Variants in FBXL14 observed in about 807,000 individuals in gnomAD.
FBXL14 encodes the protein F-box/LRR-repeat protein 14.
In FBXL14, 11 loss-of-function variants were observed where a neutral mutation model predicts 24.5. The observed-to-expected ratio is 0.45, with a 90% confidence interval of 0.28 to 0.74. The LOEUF (loss-of-function observed/expected upper bound fraction) is 0.74. FBXL14 is among the 30% of genes least tolerant of loss of function. The probability of loss-of-function intolerance (pLI) is 0.12; values close to 1 mark genes in which losing one functional copy is unlikely to be tolerated. For synonymous variants in FBXL14, 294 were observed against 240.4 expected, an observed-to-expected ratio of 1.22 and a Z score of -2.06; for missense variants, 384 against 545.6, an observed-to-expected ratio of 0.70 and a Z score of 2.95.
intron 1 of FBXL14, among the ~76,000 whole-genome samples, chr12:1,589,604 C>T (rs555464930): frequency 1.1e-4 from 17 of 152,182 alleles, no homozygotes; most frequent in African/African-American, 3.1e-4. Context: ...AGGGATAATA[C>T]CTGTTTCAGC....
At chr12:1,574,598 G>T in intron 1 of FBXL14, 1 of 220,376 alleles carries the variant, frequency 4.5e-6, no homozygotes, top group Non-Finnish European at 9.2e-6. Context: ...AGGCCACCCT[G>T]CTAAGTAGCC....
intron 1 of FBXL14, among the ~76,000 whole-genome samples, chr12:1,592,211 TTA>T (rs894220250): frequency 4.1e-5 from 6 of 146,480 alleles, no homozygotes; most frequent in Admixed American, 6.8e-5. Flanking sequence ...TATATATAAT[TTA>T]TATATATATA....
chr12:1,584,575 G>A (rs1164626852), intron 1 of FBXL14, among the ~76,000 whole-genome samples: 4 of 152,136 alleles, frequency 2.6e-5, no homozygotes, highest in Non-Finnish European at 5.9e-5. Flanking sequence ...CATCAGCTAG[G>A]GCTGGAAGAG....
rs2094441883 is a variant in FBXL14, at chr12:1,569,564, C to A, written c.1195-2754G>T. On this transcript the variant is annotated intron_variant, in intron 1 of 1. Transcript: ENST00000339235. This position sits in a 1 kb window ranked among gnomAD's most constrained non-coding sequence, Gnocchi z 4.2. Reference sequence around the variant, plus strand: ...TACAGGCGCCCGCCACCACGCCCGGCTAATTTTTTGTGTTTTTAGTAGAGA... The same window carrying A: ...TACAGGCGCCCGCCACCACGCCCGGATAATTTTTTGTGTTTTTAGTAGAGA... Among the ~76,000 whole-genome samples the A allele has an allele frequency of 6.6e-6, 1 of 152,170 alleles. No homozygotes were observed. Among genetic ancestry groups the A allele is most frequent in the Non-Finnish European group, 1.5e-5 (1 of 68,024 alleles).
At chr12:1,591,347 GTTT>G (rs34841563) in intron 1 of FBXL14, among the ~76,000 whole-genome samples, 21 of 138,368 alleles carry the variant, frequency 1.5e-4, no homozygotes, top group East Asian at 8.2e-4. Context: ...CAAGGCTGTT[GTTT>G]TTTTTTTTTT....
Position 1,580,708 on chromosome 12 carries a change from A to AT in FBXL14, c.1194+12164dup, listed in dbSNP as rs761641534. Among the ~76,000 whole-genome samples, 43 of 151,914 alleles carry AT rather than the reference A, an allele frequency of 2.8e-4. 1 individual carries two copies. Among genetic ancestry groups the AT allele is most frequent in the Non-Finnish European group, 6.2e-4 (42 of 67,974 alleles). ...CTGGGGCCTGAAATGTCCAGCTGGG[A>AT]TTTTTTCCCATCAAAAGGGGATTTT... On this transcript the variant is annotated intron_variant, in intron 1 of 1. Coordinates refer to ENST00000339235, the MANE Select transcript of FBXL14 (RefSeq NM_152441.3).
chr12:1,577,078 C>T (rs2154437900), intron 1 of FBXL14, among the ~76,000 whole-genome samples: 1 of 152,306 alleles, frequency 6.6e-6, no homozygotes, highest in Admixed American at 6.5e-5. Flanking sequence ...GTCAGCGCTG[C>T]CTGGATAAAC....
At chr12:1,591,170 CAT>C (rs1055123974) in intron 1 of FBXL14, among the ~76,000 whole-genome samples, 2 of 152,132 alleles carry the variant, frequency 1.3e-5, no homozygotes, top group African/African-American at 4.8e-5. Flanking sequence ...AGAAACAAAA[CAT>C]GTCAGTAGTA....
chr12:1,585,397 CAAAAA>C (rs34371174), intron 1 of FBXL14, among the ~76,000 whole-genome samples: 1 of 93,864 alleles, frequency 1.1e-5, no homozygotes. Flanking sequence ...GACTCCGTCT[CAAAAA>C]AAAAAAAAAA....
chr12:1,566,254 G>A lies in FBXL14; in HGVS notation c.*494C>T, dbSNP rs1318935195. On this transcript the variant is annotated 3_prime_UTR_variant, in exon 2 of 2. Transcript: ENST00000339235. ...GTCATCCAGATGTATTTTCTTTGGG[G>A]AGTTGTGAATTCCTTGTGTGTCCAG... 6.6e-6 allele frequency: 1 copy of A among 152,428 alleles called. No homozygotes were observed. The highest frequency in any genetic ancestry group is 1.5e-5 in the Non-Finnish European group (1 of 68,054). The allele number at this position is 152,428 out of a possible 1,614,324, so 9.4% of individuals were successfully genotyped here. A position where few individuals can be genotyped will look rare whatever the true frequency, so the allele number is the denominator to read the frequency against.
At chr12:1,571,954 C>T (rs771947077) in intron 1 of FBXL14, among the ~76,000 whole-genome samples, 4 of 152,208 alleles carry the variant, frequency 2.6e-5, no homozygotes, top group Non-Finnish European at 4.4e-5. Flanking sequence ...CCCTGGAGAC[C>T]TCACCACCCA....
Position 1,594,205 on chromosome 12 carries a change from TC to T in FBXL14, c.-140del. 4.6e-6 allele frequency: 2 copies of T among 438,282 alleles called. No individual in the cohort carries two copies. The highest frequency in any genetic ancestry group is 6.3e-6 in the Non-Finnish European group (2 of 317,720). The allele number at this position is 438,282 out of a possible 1,614,324, so 27.1% of individuals were successfully genotyped here. A position where few individuals can be genotyped will look rare whatever the true frequency, so the allele number is the denominator to read the frequency against. On this transcript the variant is annotated 5_prime_UTR_variant, in exon 1 of 2. Transcript: ENST00000339235. ...CGCCTCGGGCCCAACGGCCGGCCCC[TC>T]CCCGCCTTCCGGCTCCGGCCGCCGC...
intron 1 of FBXL14, among the ~76,000 whole-genome samples, chr12:1,570,368 A>G (rs1460709652): frequency 3.9e-5 from 6 of 152,140 alleles, no homozygotes; most frequent in African/African-American, 1.4e-4. Flanking sequence ...TCCCTGGTTG[A>G]GGGCTGTCAC....
Position 1,593,729 on chromosome 12 carries a change from A to G in FBXL14, c.338T>C (p.Val113Ala). 1 of 1,614,106 alleles carries G rather than the reference A, an allele frequency of 6.2e-7. No individual in the cohort carries two copies. Among genetic ancestry groups the G allele is most frequent in the Non-Finnish European group, 8.5e-7 (1 of 1,180,000 alleles). ...AGCGCGCAGGGAGCCGATCTCCTGC[A>G]CAAACGCGTGGCCCAGCCCGTTGTC... Reference protein sequence around the residue: ...LTDNGLGHAFVQEIGSLRALN... With the variant: ...LTDNGLGHAFAQEIGSLRALN... Residue 113 changes from valine (V) to alanine (A), a missense_variant, in exon 1 of 2, where the codon GTG (valine) becomes GCG (alanine). Physicochemically the swap from Val to Ala is moderately conservative, Grantham distance 64. Transcript: ENST00000339235. The surrounding 1 kb of genome is among the most constrained non-coding windows in gnomAD (Gnocchi z 7.4).
At chr12:1,577,299 T>G (rs1221216536) in intron 1 of FBXL14, among the ~76,000 whole-genome samples, 1 of 152,028 alleles carries the variant, frequency 6.6e-6, no homozygotes, top group African/African-American at 2.4e-5. Context: ...CTGTTGGAAC[T>G]CTGGAGTTGG....
intron 1 of FBXL14, among the ~76,000 whole-genome samples, chr12:1,572,549 T>C (rs909120569): frequency 6.6e-6 from 1 of 152,176 alleles, no homozygotes; most frequent in Non-Finnish European, 1.5e-5. Context: ...GCCCGCCCCA[T>C]TCCCAGAGAG....
chr12:1,578,254 G>C (rs1383331602), intron 1 of FBXL14, among the ~76,000 whole-genome samples: 1 of 152,168 alleles, frequency 6.6e-6, no homozygotes, highest in Non-Finnish European at 1.5e-5. Flanking sequence ...CAATGGCCCT[G>C]AAAGACGTGA....
At position 1,574,912 on chromosome 12, in the gene FBXL14, A is replaced by ATTTTT. The variant is rs879791511; in HGVS notation, c.1195-8103_1195-8102insAAAAA. On this transcript the variant is annotated intron_variant, in intron 1 of 1. Transcript: ENST00000339235. ...TTGAGAAGTTAGGAGCTTTTTTTAA[A>ATTTTT]AAAAAAAATTATCTTTGATAAATTT... The ATTTTT allele has an allele frequency of 1.3e-3, 199 of 149,950 alleles. 2 individuals carry two copies. The highest frequency in any genetic ancestry group is 4.6e-3 in the African/African-American group (184 of 39,660). The allele number at this position is 149,950 out of a possible 1,614,324, so 9.3% of individuals were successfully genotyped here.
chr12:1,583,231 A>C (rs1268054686), intron 1 of FBXL14, among the ~76,000 whole-genome samples: 2 of 152,006 alleles, frequency 1.3e-5, no homozygotes, highest in East Asian at 1.9e-4. Context: ...TTTTGTAATA[A>C]AAAAAACTAG....
Sources: gnomAD v4.1 joint callset for allele counts (sites outside exome capture counted in the v4.1 genomes callset) on GRCh38, gnomAD v4.1.1 for gene constraint, Gnocchi (gnomAD v3.1) non-coding constraint, MANE v1.5 for transcripts, NCBI Gene and HGNC (gene_info 2026-07-23, HGNC 2026-07-21) for gene names.